ANO6: variants seen among roughly 807,000 people sequenced by gnomAD.
ANO6 encodes the protein anoctamin 6, also known as anoctamin-6.
Under a neutral mutation model 117.5 loss-of-function variants are expected in ANO6, and 106 were observed. The ratio of observed to expected loss-of-function variants is 0.90; its 90% CI spans 0.77 to 1.06. ANO6 has a LOEUF of 1.06. Among genes scored for constraint, ANO6 ranks in the 50% least tolerant of loss-of-function variants. The pLI is 0.00. For missense variants in ANO6, 955 were observed against 1,121.1 expected (o/e 0.85, Z 2.12); for synonymous variants, 367 against 385.1 (o/e 0.95, Z 0.55).
intron 3 of ANO6, among the ~76,000 whole-genome samples, chr12:45,341,756 T>C (rs1940984563): frequency 6.6e-6 from 1 of 152,152 alleles, no homozygotes; most frequent in African/African-American, 2.4e-5. Context: ...GGGTGCATGG[T>C]GTAGAGGCAG....
chr12:45,369,721 A>G lies in ANO6; in HGVS notation c.1104+1928A>G, dbSNP rs550246520. Among the ~76,000 whole-genome samples, 175 of 152,256 alleles carry G rather than the reference A, an allele frequency of 1.1e-3. 1 individual carries two copies. Among genetic ancestry groups the G allele is most frequent in the African/African-American group, 4.0e-3 (168 of 41,560 alleles). ...CATTTATTTGTGTATTCATTTACAC[A>G]TCTTTCTTTTGGAAAGAGTACTAAT... On this transcript the variant is annotated intron_variant, in intron 9 of 19. Coordinates refer to ENST00000320560, the MANE Select transcript of ANO6 (RefSeq NM_001025356.3).
At chr12:45,330,242 A>G (rs536632892) in intron 2 of ANO6, among the ~76,000 whole-genome samples, 34 of 152,294 alleles carry the variant, frequency 2.2e-4, no homozygotes, top group African/African-American at 7.5e-4. Flanking sequence ...CACGTTTCAT[A>G]TAAGTATCAA....
intron 3 of ANO6, among the ~76,000 whole-genome samples, chr12:45,341,774 G>C (rs1441514912): frequency 6.6e-6 from 1 of 152,098 alleles, no homozygotes; most frequent in East Asian, 1.9e-4. Context: ...CAGAGTGAGT[G>C]GGGTTGCCTG....
chr12:45,241,730 G>C (rs1031962741), intron 1 of ANO6, among the ~76,000 whole-genome samples: 2 of 152,184 alleles, frequency 1.3e-5, no homozygotes, highest in Non-Finnish European at 2.9e-5. Context: ...CTACAGATGG[G>C]ATTTTGGTGT....
At chr12:45,226,581 T>G (rs1266560431) in intron 1 of ANO6, among the ~76,000 whole-genome samples, 2 of 151,158 alleles carry the variant, frequency 1.3e-5, no homozygotes, top group African/African-American at 4.9e-5. Context: ...GCTTGTTTTA[T>G]CTAAACTAAG....
At chr12:45,358,845 C>T (rs1046651376) in intron 8 of ANO6, among the ~76,000 whole-genome samples, 55 of 150,188 alleles carry the variant, frequency 3.7e-4, no homozygotes, top group Non-Finnish European at 6.9e-4. Flanking sequence ...CGTGCAGTGG[C>T]GCCATCTCAG....
chr12:45,431,300 T>G lies in ANO6; in HGVS notation c.*1989T>G, dbSNP rs1943626705. 1.0e-6 allele frequency: 1 copy of G among 985,346 alleles called. No individual in the cohort carries two copies. Among genetic ancestry groups the G allele is most frequent in the South Asian group, 4.7e-5 (1 of 21,286 alleles). 61.0% of individuals were successfully genotyped at this position (985,346 alleles called of 1,614,324 possible). On this transcript the variant is annotated 3_prime_UTR_variant, in exon 20 of 20. Coordinates refer to ENST00000320560, the MANE Select transcript of ANO6 (RefSeq NM_001025356.3). ...CTCTTCACTCCTGAGATACTGCTTCTGGAAGCGGGTGTCACTTCCTCTCTA... is the reference window on the plus strand; with the variant it reads ...CTCTTCACTCCTGAGATACTGCTTCGGGAAGCGGGTGTCACTTCCTCTCTA...
intron 7 of ANO6, among the ~76,000 whole-genome samples, chr12:45,353,932 T>C (rs1941346425): frequency 6.6e-6 from 1 of 151,934 alleles, no homozygotes; most frequent in Admixed American, 6.6e-5. Context: ...GAAGAAATTA[T>C]GCAGAGCATA....
chr12:45,360,571 CT>C (rs1160211035), intron 8 of ANO6, among the ~76,000 whole-genome samples: 1 of 152,322 alleles, frequency 6.6e-6, no homozygotes, highest in East Asian at 1.9e-4. Context: ...TGTGTTTTCA[CT>C]TTCCTAATAG....
intron 19 of ANO6, among the ~76,000 whole-genome samples, chr12:45,423,352 C>G (rs914663694): frequency 3.1e-4 from 47 of 152,148 alleles, no homozygotes; most frequent in African/African-American, 1.1e-3. Context: ...TATGAAAGGG[C>G]TTATGCAAGA....
At chr12:45,436,833 G>C (rs954291192), downstream of ANO6, among the ~76,000 whole-genome samples, 6 of 152,138 alleles carry the variant, frequency 3.9e-5, no homozygotes, top group Non-Finnish European at 8.8e-5. Context: ...GCCGTGTGTG[G>C]TGGCAGGCAC....
At chr12:45,401,667 C>A in intron 12 of ANO6, 128 bp from the exon 13 acceptor site, 1 of 800,094 alleles carries the variant, frequency 1.2e-6, no homozygotes, top group Non-Finnish European at 2.1e-6. Flanking sequence ...TTTCTACCAC[C>A]GCTGGTATCA....
chr12:45,440,236 CTTTTTCT>C lies in ANO6; in HGVS notation c.*311_*317del, dbSNP rs1313262167. On this transcript the variant is annotated 3_prime_UTR_variant, in exon 20 of 20. Coordinates refer to the ANO6 transcript ENST00000425752. ...AAGGTAATTTAATTGAGCCTAATTT[CTTTTTCT>C]TTTTTCTTTTTTTTGAGACAGAGTC... The C allele has an allele frequency of 1.5e-3, 324 of 219,978 alleles. 3 individuals carry two copies. The highest frequency in any genetic ancestry group is 7.0e-3 in the African/African-American group (308 of 44,014). The allele number at this position is 219,978 out of a possible 1,614,324, so 13.6% of individuals were successfully genotyped here.
intron 1 of ANO6, among the ~76,000 whole-genome samples, chr12:45,218,647 C>G (rs556718303): frequency 1.3e-5 from 2 of 152,088 alleles, no homozygotes; most frequent in East Asian, 3.9e-4. Flanking sequence ...TAAGTTTATG[C>G]CTTTACAAAA....
rs560704045 is a variant in ANO6 at position 45,430,109 on chromosome 12, C to A, written c.*798C>A. ...GTTACAGATTCAAACAGCATTTTAA[C>A]TCATGTTGATCTGGATAATTAATCT... On this transcript the variant is annotated 3_prime_UTR_variant, in exon 20 of 20. Transcript: ENST00000320560. The A allele has an allele frequency of 6.1e-6, 6 of 985,420 alleles. No individual in the cohort carries two copies. In the African/African-American group the frequency reaches 1.0e-4, roughly 17 times the overall value. 61.0% of individuals were successfully genotyped at this position (985,420 alleles called of 1,614,324 possible). A position where few individuals can be genotyped will look rare whatever the true frequency, so the allele number is the denominator to read the frequency against.
rs542475283 is a variant in ANO6 at position 45,430,799 on chromosome 12, G to A, written c.*1488G>A. ...CTTGTAAGTGTCAGGCCTCCTGGGCGCTCTGGAAAAGACAGGGAGCCAGGC... is the reference window on the plus strand; with the variant it reads ...CTTGTAAGTGTCAGGCCTCCTGGGCACTCTGGAAAAGACAGGGAGCCAGGC... On this transcript the variant is annotated 3_prime_UTR_variant, in exon 20 of 20. Coordinates refer to ENST00000320560, the MANE Select transcript of ANO6 (RefSeq NM_001025356.3). The A allele has an allele frequency of 3.5e-5, 34 of 985,364 alleles. No individual in the cohort carries two copies. In the African/African-American group the frequency reaches 4.9e-4, roughly 14 times the overall value. The allele number at this position is 985,364 out of a possible 1,614,324, so 61.0% of individuals were successfully genotyped here.
chr12:45,232,729 A>G (rs1018956633), intron 1 of ANO6, among the ~76,000 whole-genome samples: 3 of 152,226 alleles, frequency 2.0e-5, no homozygotes, highest in Non-Finnish European at 4.4e-5. Flanking sequence ...GCAAAGTGGT[A>G]CTATTGCTAG....
chr12:45,228,751 C>T (rs1947528157), intron 1 of ANO6, among the ~76,000 whole-genome samples: 1 of 152,154 alleles, frequency 6.6e-6, no homozygotes, highest in African/African-American at 2.4e-5. Flanking sequence ...ATCTTGACTT[C>T]ATGTTTAAAA....
chr12:45,261,431 G>A (rs1409639611), intron 1 of ANO6, among the ~76,000 whole-genome samples: 1 of 152,156 alleles, frequency 6.6e-6, no homozygotes, highest in Non-Finnish European at 1.5e-5. Context: ...CTGTTAGCAC[G>A]CTCAGGGTTT....
Sources: allele counts gnomAD v4.1 joint callset (sites outside exome capture counted in the v4.1 genomes callset), GRCh38; gene constraint gnomAD v4.1.1; transcripts MANE v1.5; gene names NCBI Gene and HGNC (gene_info 2026-07-23, HGNC 2026-07-21).